The following VAC14 variants were observed in gnomAD, a reference collection of about 807,000 sequenced individuals.
VAC14 encodes the protein protein VAC14 homolog.
In VAC14, 47 loss-of-function variants were observed where a neutral mutation model predicts 85.3. That is an observed-to-expected ratio of 0.55 (90% CI 0.44 to 0.70). VAC14 has a LOEUF of 0.70. VAC14 is among the 30% of genes least tolerant of loss of function. The pLI is 0.00. For missense variants in VAC14, 861 were observed against 1,004.3 expected (o/e 0.86, Z 1.93); for synonymous variants, 447 against 430.5 (o/e 1.04, Z -0.47).
chr16:70,783,015 C>T lies in VAC14; in HGVS notation c.811+18G>A, dbSNP rs766076711. 1.2e-5 allele frequency: 20 copies of T among 1,609,250 alleles called. No individual in the cohort carries two copies. Among genetic ancestry groups the T allele is most frequent in the South Asian group, 2.2e-5 (2 of 90,306 alleles). On this transcript the variant is annotated intron_variant, in intron 7 of 18. Coordinates refer to ENST00000261776, the MANE Select transcript of VAC14 (RefSeq NM_018052.5). ...CAGCAGTGGCAGCCGTGGCTGTGGG[C>T]CCTCCCCCAATACTCACCTGTTGTC...
rs537184042 is a variant in VAC14 at position 70,693,092 on chromosome 16, C to G, written c.2036-121G>C. 4 of 1,347,196 alleles carry G rather than the reference C, an allele frequency of 3.0e-6. No individual in the cohort carries two copies. In the African/African-American group the frequency reaches 5.8e-5, roughly 20 times the overall value. 83.5% of individuals were successfully genotyped at this position (1,347,196 alleles called of 1,614,324 possible). The stretch of plus-strand genomic sequence containing the variant: ...GACTTGGTGCCATGGCACCCACAGC[C>G]CAAGGACCCAGCTGTGTGGACCCAG... On this transcript the variant is annotated intron_variant, in intron 17 of 18. Coordinates refer to ENST00000261776, the MANE Select transcript of VAC14 (RefSeq NM_018052.5).
intron 14 of VAC14, among the ~76,000 whole-genome samples, chr16:70,725,143 A>G (rs542802746): frequency 6.6e-6 from 1 of 152,360 alleles, no homozygotes; most frequent in African/African-American, 2.4e-5. Flanking sequence ...CACCAGCACA[A>G]TGGGCTTCTG....
intron 12 of VAC14, among the ~76,000 whole-genome samples, chr16:70,751,682 G>A (rs1567566955): frequency 6.6e-6 from 1 of 152,200 alleles, no homozygotes; most frequent in South Asian, 2.1e-4. Flanking sequence ...CACACCCTAG[G>A]AAGCCGGGCT....
At chr16:70,783,665 C>A in intron 5 of VAC14, 111 bp from the exon 6 acceptor site, 1 of 1,039,946 alleles carries the variant, frequency 9.6e-7, no homozygotes, top group East Asian at 2.4e-5. Context: ...GACAGCATTT[C>A]CCTGCAGTGC....
intron 8 of VAC14, 93 bp downstream of exon 8, chr16:70,781,776 C>T: frequency 2.0e-6 from 3 of 1,521,950 alleles, no homozygotes; most frequent in Non-Finnish European, 2.7e-6. Context: ...GTGATGGATC[C>T]TAAGAGAGCC....
At chr16:70,750,828 G>C (rs2031321991) in intron 12 of VAC14, among the ~76,000 whole-genome samples, 1 of 152,092 alleles carries the variant, frequency 6.6e-6, no homozygotes, top group African/African-American at 2.4e-5. Flanking sequence ...GGAGACCTCG[G>C]TGTGGAAAGC....
chr16:70,794,267 C>A (rs980456963), intron 1 of VAC14, among the ~76,000 whole-genome samples: 2 of 152,130 alleles, frequency 1.3e-5, no homozygotes, highest in Non-Finnish European at 2.9e-5. Flanking sequence ...CAAAAGAAAC[C>A]CTGCACCCAC....
At chr16:70,703,100 CG>C (rs1321394951) in intron 14 of VAC14, among the ~76,000 whole-genome samples, 1 of 152,214 alleles carries the variant, frequency 6.6e-6, no homozygotes, top group African/African-American at 2.4e-5. Flanking sequence ...TGTCCCTGCC[CG>C]GCGGAGGCCT....
intron 10 of VAC14, chr16:70,768,325 T>G: frequency 6.4e-6 from 1 of 156,820 alleles, no homozygotes; most frequent in Non-Finnish European, 1.4e-5. Flanking sequence ...CATGCTGGAG[T>G]TAGGGCATGA....
At chr16:70,690,411 A>G in intron 18 of VAC14, 2 of 985,636 alleles carry the variant, frequency 2.0e-6, no homozygotes, top group Non-Finnish European at 2.4e-6. Flanking sequence ...CAGCCAGCCC[A>G]CAGCACAGTG....
intron 12 of VAC14, among the ~76,000 whole-genome samples, chr16:70,758,004 A>G (rs916909044): frequency 2.0e-5 from 3 of 152,224 alleles, no homozygotes; most frequent in African/African-American, 7.2e-5. Flanking sequence ...CCTCAGTGTC[A>G]CCTGGGTAGA....
chr16:70,742,602 G>C (rs528497577), intron 13 of VAC14, among the ~76,000 whole-genome samples: 1 of 152,356 alleles, frequency 6.6e-6, no homozygotes, highest in Non-Finnish European at 1.5e-5. Flanking sequence ...CTGGGCTCCT[G>C]GGCAAGGCCC....
At chr16:70,766,514 C>A (rs780262826) in intron 10 of VAC14, 2 of 456,692 alleles carry the variant, frequency 4.4e-6, no homozygotes, top group African/African-American at 4.0e-5. Context: ...TCCTGCCGCA[C>A]TCAACCCAGA....
chr16:70,785,383 G>A (rs562418270), intron 3 of VAC14, among the ~76,000 whole-genome samples: 53 of 152,242 alleles, frequency 3.5e-4, no homozygotes, highest in Non-Finnish European at 5.9e-4. Flanking sequence ...GGGAAAGTAC[G>A]GTCTGGATGA....
At chr16:70,746,104 C>T (rs546498653) in intron 12 of VAC14, among the ~76,000 whole-genome samples, 1 of 152,330 alleles carries the variant, frequency 6.6e-6, no homozygotes, top group East Asian at 1.9e-4. Flanking sequence ...AAAGCCATTC[C>T]TGTCAATGCA....
chr16:70,720,972 G>A (rs896474611), intron 14 of VAC14, among the ~76,000 whole-genome samples: 2 of 152,248 alleles, frequency 1.3e-5, no homozygotes, highest in African/African-American at 2.4e-5. Flanking sequence ...GAGTGCACTT[G>A]AATCATCTCA....
At chr16:70,761,021 A>ATGTGTGTGTGTGTGTGTGTGTG (rs1567577725) in intron 12 of VAC14, 1 of 74,268 alleles carries the variant, frequency 1.3e-5, no homozygotes, top group Non-Finnish European at 2.6e-5. Flanking sequence ...GTGTGTGTGC[A>ATGTGTGTGTGTGTGTGTGTGTG]TGGGGGGGCG....
rs1477699127 is a variant in VAC14 at position 70,786,242 on chromosome 16, C to G, written c.228G>C (p.Leu76=). The G allele has an allele frequency of 6.2e-7, 1 of 1,614,218 alleles. No individual in the cohort carries two copies. Among genetic ancestry groups the G allele is most frequent in the South Asian group, 1.1e-5 (1 of 91,078 alleles). The change falls in exon 2 of 19, where the codon CTG becomes CTC. Residue 76 remains leucine (L), a synonymous_variant. Coordinates refer to ENST00000261776, the MANE Select transcript of VAC14 (RefSeq NM_018052.5). ...TGCCCAGTGCGATGGAGCAGGCGGCCAGGCCGATGAGGCCCCCTTTCCGGC... is the reference window on the plus strand; with the variant it reads ...TGCCCAGTGCGATGGAGCAGGCGGCGAGGCCGATGAGGCCCCCTTTCCGGC... The part of the protein sequence containing the change: ...PHSRKGGLIG[L]AACSIALGKD...
chr16:70,690,408 C>T (rs1376251488), intron 18 of VAC14: 16 of 985,486 alleles, frequency 1.6e-5, no homozygotes, highest in Non-Finnish European at 1.8e-5. Flanking sequence ...GGCCAGCCAG[C>T]CCACAGCACA....
Sources: allele counts gnomAD v4.1 joint callset (sites outside exome capture counted in the v4.1 genomes callset), GRCh38; gene constraint gnomAD v4.1.1; transcripts MANE v1.5; gene names NCBI Gene and HGNC (gene_info 2026-07-23, HGNC 2026-07-21).